TMEM164: variants seen among roughly 807,000 people sequenced by gnomAD.
TMEM164 encodes the protein RP13-360B22.2.
A neutral mutation model predicts 18.8 loss-of-function variants in TMEM164; 4 were observed. The ratio of observed to expected loss-of-function variants is 0.21; its 90% CI spans 0.10 to 0.49. TMEM164 has a LOEUF of 0.49. TMEM164 is among the 20% of genes least tolerant of loss of function. The pLI is 0.98. For missense variants in TMEM164, 108 were observed against 239.9 expected (o/e 0.45, Z 3.63); for synonymous variants, 86 against 101.7 (o/e 0.85, Z 0.93).
At chrX:110,148,791 G>T (rs1204858067) in intron 5 of TMEM164, among the ~76,000 whole-genome samples, 1 of 105,554 alleles carries the variant, frequency 9.5e-6, no homozygotes, top group Non-Finnish European at 1.9e-5. Context: ...CTCCCAAAGT[G>T]TTGGGATTAC....
intron 3 of TMEM164, among the ~76,000 whole-genome samples, chrX:110,106,373 CTT>C (rs533400529): frequency 1.6e-4 from 15 of 92,869 alleles, no homozygotes; most frequent in Admixed American, 2.4e-4. Context: ...CAGAATCCAG[CTT>C]TTTTTTTTTT....
chrX:110,052,676 C>T (rs1935611196), intron 2 of TMEM164, among the ~76,000 whole-genome samples: 1 of 106,112 alleles, frequency 9.4e-6, no homozygotes, highest in Admixed American at 1.0e-4. Flanking sequence ...TTAATGAAAA[C>T]ATAGCTAAAT....
intron 4 of TMEM164, among the ~76,000 whole-genome samples, chrX:110,112,119 A>G (rs1454484077): frequency 9.0e-6 from 1 of 110,877 alleles, no homozygotes; most frequent in African/African-American, 3.3e-5. Context: ...GGAGGCAAGC[A>G]GATCATGAGG....
At chrX:110,140,488 T>C (rs1269793178) in intron 4 of TMEM164, among the ~76,000 whole-genome samples, 1 of 111,320 alleles carries the variant, frequency 9.0e-6, no homozygotes, top group East Asian at 2.8e-4. Flanking sequence ...AGGGGCGTGG[T>C]GGGATCAGTG....
intron 2 of TMEM164, among the ~76,000 whole-genome samples, chrX:110,048,425 A>G (rs1935406130): frequency 8.9e-6 from 1 of 112,226 alleles, no homozygotes; most frequent in African/African-American, 3.2e-5. Flanking sequence ...TACTCACTGT[A>G]GTATGCCCAG....
At chrX:110,164,151 G>A (rs2067129454) in intron 5 of TMEM164, among the ~76,000 whole-genome samples, 1 of 112,078 alleles carries the variant, frequency 8.9e-6, no homozygotes, top group African/African-American at 3.3e-5. Context: ...AACAGTCAGC[G>A]CTGTTGTTTT....
intron 2 of TMEM164, among the ~76,000 whole-genome samples, chrX:110,050,576 T>C (rs1214201710): frequency 1.8e-5 from 2 of 111,489 alleles, no homozygotes; most frequent in Non-Finnish European, 3.8e-5. Context: ...CCCCAGCCCT[T>C]TTATCCATCT....
At chrX:110,134,700 G>A (rs1336848594) in intron 4 of TMEM164, among the ~76,000 whole-genome samples, 2 of 108,801 alleles carry the variant, frequency 1.8e-5, no homozygotes, top group African/African-American at 6.8e-5. Flanking sequence ...TGTCCTTACT[G>A]GAGGTGAGGT....
intron 3 of TMEM164, among the ~76,000 whole-genome samples, chrX:110,100,779 C>T (rs1467489003): frequency 5.5e-5 from 6 of 109,804 alleles, no homozygotes; most frequent in Non-Finnish European, 1.1e-4. Context: ...TTAGTAGAGA[C>T]GGGGTTTCAC....
intron 5 of TMEM164, among the ~76,000 whole-genome samples, chrX:110,155,042 C>T (rs1006608559): frequency 9.0e-6 from 1 of 111,626 alleles, no homozygotes; most frequent in Non-Finnish European, 1.9e-5. Context: ...ACCCACTGTT[C>T]TGCCTTGTGT....
Position 110,045,294 on chromosome X carries a change from C to A in TMEM164, c.391-22053C>A, listed in dbSNP as rs182267983. The stretch of plus-strand genomic sequence containing the variant: ...CTCTGTAATATGACATATTTAGATT[C>A]TTTTACCAGTTTAAAGAAGTTAATT... On this transcript the variant is annotated intron_variant, in intron 2 of 6. Coordinates refer to ENST00000372068, the MANE Select transcript of TMEM164 (RefSeq NM_032227.4). 3.6e-5 allele frequency among the ~76,000 whole-genome samples: 4 copies of A among 111,819 alleles called. No individual in the cohort carries two copies. The East Asian group carries it at 1.1e-3, about 31-fold the overall frequency.
chrX:110,105,348 T>C (rs999124879), intron 3 of TMEM164, among the ~76,000 whole-genome samples: 13 of 110,811 alleles, frequency 1.2e-4, no homozygotes, highest in African/African-American at 3.9e-4. Context: ...ATCCTATGAA[T>C]TGGGTACTAT....
At chrX:110,157,979 C>T (rs1048890029) in intron 5 of TMEM164, among the ~76,000 whole-genome samples, 8 of 111,341 alleles carry the variant, frequency 7.2e-5, no homozygotes, top group African/African-American at 1.3e-4. Context: ...CTCGACCTCC[C>T]GGGTTTAAGC....
chrX:110,028,101 C>G (rs1934290419), intron 2 of TMEM164, among the ~76,000 whole-genome samples: 1 of 112,031 alleles, frequency 8.9e-6, no homozygotes, highest in African/African-American at 3.2e-5. Context: ...TAGTCAGTGT[C>G]TTTAATTTAT....
intron 3 of TMEM164, among the ~76,000 whole-genome samples, chrX:110,076,118 T>C (rs774579246): frequency 9.2e-6 from 1 of 108,713 alleles, no homozygotes; most frequent in Non-Finnish European, 1.9e-5. Context: ...TTTTGGTTGG[T>C]AGGTTTTCTT....
At chrX:110,150,863 G>A (rs1257791027) in intron 5 of TMEM164, among the ~76,000 whole-genome samples, 1 of 111,133 alleles carries the variant, frequency 9.0e-6, no homozygotes, top group Non-Finnish European at 1.9e-5. Context: ...ATAGAATACA[G>A]TATAATAAAA....
chrX:110,144,800 C>T lies in TMEM164; in HGVS notation c.510C>T (p.Leu170=), dbSNP rs370147876. Residue 170 remains leucine (L), a splice_region_variant and synonymous_variant, in exon 5 of 7, where the codon CTC becomes CTT. Coordinates refer to ENST00000372068, the MANE Select transcript of TMEM164 (RefSeq NM_032227.4). ...TTCTCTCCCTCCTATCCTCACAGCT[C>T]CCCTTTGAATTGGAGATTTACTACA... The part of the protein sequence containing the change: ...LLFPVVNTRL[L]PFELEIYYIQ... The T allele has an allele frequency of 2.5e-6, 3 of 1,203,670 alleles. No homozygotes were observed. Among genetic ancestry groups the T allele is most frequent in the African/African-American group, 1.7e-5 (1 of 57,539 alleles).
intron 3 of TMEM164, 147 bp downstream of exon 3, chrX:110,067,543 CT>C (rs1474631329): frequency 2.0e-6 from 1 of 508,657 alleles, no homozygotes; most frequent in Admixed American, 3.6e-5. Flanking sequence ...CTGTGAGGGC[CT>C]ACTGAAACAG....
At chrX:110,160,264 A>C (rs1265950689) in intron 5 of TMEM164, among the ~76,000 whole-genome samples, 2 of 111,946 alleles carry the variant, frequency 1.8e-5, no homozygotes, top group African/African-American at 6.5e-5. Context: ...GAAATGTAGC[A>C]CATGAACGCA....
Sources: gnomAD v4.1 joint callset for allele counts (sites outside exome capture counted in the v4.1 genomes callset) on GRCh38, gnomAD v4.1.1 for gene constraint, MANE v1.5 for transcripts, NCBI Gene and HGNC (gene_info 2026-07-23, HGNC 2026-07-21) for gene names.